DMD: variants seen among roughly 807,000 people sequenced by gnomAD.
The protein encoded by DMD is dystrophin.
A neutral mutation model predicts 330.1 loss-of-function variants in DMD; 63 were observed. That is an observed-to-expected ratio of 0.19 (90% CI 0.16 to 0.24). The LOEUF is 0.24. DMD is among the 10% of genes least tolerant of loss of function. DMD has a pLI of 1.00. For synonymous variants in DMD, 1,223 were observed against 959.8 expected, an observed-to-expected ratio of 1.27 and a Z score of -5.07; for missense variants, 3,344 against 2,684.1, an observed-to-expected ratio of 1.25 and a Z score of -5.43.
chrX:32,678,174 T>C (rs763803065), intron 9 of DMD, among the ~76,000 whole-genome samples: 2 of 111,933 alleles, frequency 1.8e-5, no homozygotes, highest in Admixed American at 1.9e-4. Context: ...ATTCTAAAGA[T>C]CTGCTACACA....
intron 59 of DMD, among the ~76,000 whole-genome samples, chrX:31,466,197 C>T (rs1370751670): frequency 1.8e-5 from 2 of 112,225 alleles, no homozygotes; most frequent in African/African-American, 6.5e-5. Flanking sequence ...TTCCATTTGT[C>T]AATTTTGGCT....
intron 62 of DMD, among the ~76,000 whole-genome samples, chrX:31,297,742 A>AG (rs753660813): frequency 7.7e-4 from 87 of 112,363 alleles, no homozygotes; most frequent in African/African-American, 2.7e-3. Context: ...AACCTAAAAA[A>AG]GTTCTTTTCT....
At chrX:31,363,372 CTTTTTTTTTTTTTT>C (rs752548187) in intron 60 of DMD, among the ~76,000 whole-genome samples, 4 of 51,881 alleles carry the variant, frequency 7.7e-5, no homozygotes, top group African/African-American at 2.4e-4. Context: ...AGACATGTAT[CTTTTTTTTTTTTTT>C]TTTTTTTTTT....
chrX:32,707,616 A>C (rs2064797571), intron 7 of DMD, among the ~76,000 whole-genome samples: 1 of 112,219 alleles, frequency 8.9e-6, no homozygotes, highest in Non-Finnish European at 1.9e-5. Flanking sequence ...AAATGCAGGA[A>C]ATTTTCAAAA....
intron 62 of DMD, chrX:31,266,911 G>GCGC (rs925751689): frequency 4.4e-5 from 51 of 1,172,400 alleles, no homozygotes; most frequent in African/African-American, 2.3e-4. Context: ...CGAAAGTGGA[G>GCGC]CGCCGCCGCC....
intron 47 of DMD, among the ~76,000 whole-genome samples, chrX:31,925,832 A>G (rs1345564366): frequency 7.6e-5 from 8 of 104,617 alleles, no homozygotes; most frequent in African/African-American, 2.8e-4. Flanking sequence ...AGATCGTGCC[A>G]TTGCACTCCA....
At chrX:31,323,993 C>G (rs1217954595) in intron 61 of DMD, among the ~76,000 whole-genome samples, 2 of 110,715 alleles carry the variant, frequency 1.8e-5, no homozygotes, top group Admixed American at 9.6e-5. Context: ...TATAATACTT[C>G]CTGTTGCTGG....
intron 7 of DMD, among the ~76,000 whole-genome samples, chrX:32,705,179 A>AT (rs1246202399): frequency 1.8e-5 from 2 of 111,966 alleles, no homozygotes; most frequent in East Asian, 5.6e-4. Flanking sequence ...CCCATGTTAA[A>AT]TTTTTTAACA....
At chrX:31,996,940 T>G (rs2095591283) in intron 44 of DMD, among the ~76,000 whole-genome samples, 1 of 111,843 alleles carries the variant, frequency 8.9e-6, no homozygotes, top group African/African-American at 3.2e-5. Flanking sequence ...AAGGGCAGTA[T>G]GCTTTCATGA....
At chrX:32,761,805 T>G (rs1376161481) in intron 7 of DMD, among the ~76,000 whole-genome samples, 1 of 111,116 alleles carries the variant, frequency 9.0e-6, no homozygotes, top group Non-Finnish European at 1.9e-5. Flanking sequence ...CCTTCCAGAC[T>G]TTCCATTAAC....
chrX:32,846,358 G>T (rs1049471227), intron 3 of DMD, among the ~76,000 whole-genome samples: 4 of 111,417 alleles, frequency 3.6e-5, no homozygotes, highest in African/African-American at 1.3e-4. Flanking sequence ...CCTTGTGCAT[G>T]CACCAAACAA....
At chrX:32,233,529 A>T (rs113102163) in intron 43 of DMD, among the ~76,000 whole-genome samples, 109 of 49,608 alleles carry the variant, frequency 2.2e-3, no homozygotes, top group Non-Finnish European at 3.5e-3. Context: ...ACAATAAATT[A>T]AAAAAACTTC....
chrX:32,132,993 CTT>C (rs377615262), intron 44 of DMD, among the ~76,000 whole-genome samples: 116 of 75,803 alleles, frequency 1.5e-3, no homozygotes, highest in African/African-American at 5.7e-3. Flanking sequence ...CTTTTCTTTT[CTT>C]TTTTTTTTTT....
At chrX:32,865,828 G>A (rs1190313206) in intron 2 of DMD, among the ~76,000 whole-genome samples, 1 of 112,607 alleles carries the variant, frequency 8.9e-6, no homozygotes, top group Non-Finnish European at 1.9e-5. Flanking sequence ...CTGTCCAGGA[G>A]CAACTGCTGT....
At chrX:32,637,023 A>C (rs2059150031) in intron 11 of DMD, among the ~76,000 whole-genome samples, 2 of 111,077 alleles carry the variant, frequency 1.8e-5, no homozygotes, top group Admixed American at 1.9e-4. Context: ...AAAAAGAAAA[A>C]GATTCTTGTG....
chrX:32,765,741 A>G (rs1031591134), intron 7 of DMD, among the ~76,000 whole-genome samples: 1 of 111,765 alleles, frequency 8.9e-6, no homozygotes, highest in Non-Finnish European at 1.9e-5. Context: ...TTTCTGTTGT[A>G]GCCTGAGCTT....
rs7061354 is a variant in DMD at position 31,797,595 on chromosome X, C to T, written c.7309+22380G>A. On this transcript the variant is annotated intron_variant, in intron 50 of 78. Transcript: ENST00000357033. ...TAAAATGTGCATAAAAATAGAATTA[C>T]TTGACCTAATATATTAATAATTTGA... Among the ~76,000 whole-genome samples, 304 of 111,179 alleles carry T rather than the reference C, an allele frequency of 2.7e-3. 3 individuals carry two copies. The highest frequency in any genetic ancestry group is 8.7e-3 in the African/African-American group (268 of 30,647).
At chrX:32,917,582 C>T (rs555175603) in intron 2 of DMD, among the ~76,000 whole-genome samples, 4 of 111,395 alleles carry the variant, frequency 3.6e-5, no homozygotes, top group Admixed American at 1.9e-4. Flanking sequence ...TCAAAATCTC[C>T]GCTCTATAAT....
At chrX:33,031,587 G>A (rs1035378664) in intron 1 of DMD, among the ~76,000 whole-genome samples, 2 of 110,721 alleles carry the variant, frequency 1.8e-5, no homozygotes, top group Admixed American at 9.7e-5. Flanking sequence ...CCTGATCAAC[G>A]CAGTGAAGCC....
Sources: allele counts gnomAD v4.1 joint callset (sites outside exome capture counted in the v4.1 genomes callset), GRCh38; gene constraint gnomAD v4.1.1; transcripts MANE v1.5; gene names NCBI Gene and HGNC (gene_info 2026-07-23, HGNC 2026-07-21).